FEZ1: variants seen among roughly 807,000 people sequenced by gnomAD.
FEZ1 encodes fasciculation and elongation protein zeta-1.
Under a neutral mutation model 49.3 loss-of-function variants are expected in FEZ1, and 20 were observed. The observed-to-expected ratio is 0.41, with a 90% CI of 0.29 to 0.59. The LOEUF (loss-of-function observed/expected upper bound fraction) is 0.59. FEZ1 is among the 20% of genes least tolerant of loss of function. The pLI, the probability that FEZ1 is intolerant of heterozygous loss-of-function variation, is 0.36. For missense variants in FEZ1, 413 were observed against 476.0 expected (o/e 0.87, Z 1.23); for synonymous variants, 170 against 180.9 (o/e 0.94, Z 0.48).
At chr11:125,492,909 A>G (rs1333105766) in intron 1 of FEZ1, among the ~76,000 whole-genome samples, 2 of 150,954 alleles carry the variant, frequency 1.3e-5, no homozygotes, top group Non-Finnish European at 3.0e-5. Context: ...TTGAGGCTAT[A>G]GTGAGCTATG....
chr11:125,479,479 G>C (rs1003150460), intron 3 of FEZ1, among the ~76,000 whole-genome samples: 13 of 152,186 alleles, frequency 8.5e-5, no homozygotes, highest in Non-Finnish European at 1.6e-4. Context: ...AAGTGAGGCA[G>C]AAATTTGCTT....
At chr11:125,493,515 A>AAAGC (rs1957423648) in intron 1 of FEZ1, among the ~76,000 whole-genome samples, 1 of 149,214 alleles carries the variant, frequency 6.7e-6, no homozygotes, top group African/African-American at 2.5e-5. Context: ...AGAGAGAAAG[A>AAAGC]AAGAAAGAAA....
rs1232187870 is a variant in FEZ1, at chr11:125,443,976, C to T, written c.*2119G>A. On this transcript the variant is annotated 3_prime_UTR_variant, in exon 10 of 10. Coordinates refer to ENST00000278919, the MANE Select transcript of FEZ1 (RefSeq NM_005103.5). Reference sequence around the variant, plus strand: ...GCAGGAAGAAAAGCTCTCAGGAATTCACTGCTTCCCCTTTGCTGAGGCTGG... The same window carrying T: ...GCAGGAAGAAAAGCTCTCAGGAATTTACTGCTTCCCCTTTGCTGAGGCTGG... 6.6e-6 allele frequency among the ~76,000 whole-genome samples: 1 copy of T among 152,208 alleles called. No homozygotes were observed.
chr11:125,489,401 A>C lies in FEZ1; in HGVS notation c.311+66T>G. 6.5e-7 allele frequency: 1 copy of C among 1,532,078 alleles called. No homozygotes were observed. The highest frequency in any genetic ancestry group is 1.3e-5 in the South Asian group (1 of 75,790). The allele number at this position is 1,532,078 out of a possible 1,614,324, so 94.9% of individuals were successfully genotyped here. A position where few individuals can be genotyped will look rare whatever the true frequency, so the allele number is the denominator to read the frequency against. ...AAACCTATAGACAGAAACCAGCACT[A>C]TGTCAAGGAGACAAGGACTACAGGG... On this transcript the variant is annotated intron_variant, in intron 2 of 9. Coordinates refer to ENST00000278919, the MANE Select transcript of FEZ1 (RefSeq NM_005103.5). The surrounding 1 kb of genome is among the most constrained non-coding windows in gnomAD (Gnocchi z 4.2).
intron 3 of FEZ1, among the ~76,000 whole-genome samples, chr11:125,472,361 G>C (rs1038884386): frequency 6.6e-6 from 1 of 152,018 alleles, no homozygotes; most frequent in Non-Finnish European, 1.5e-5. Flanking sequence ...CAGCTGACAA[G>C]AGAGAGTGAG....
At chr11:125,453,955 C>T in intron 7 of FEZ1, 175 bp downstream of exon 7, 1 of 415,668 alleles carries the variant, frequency 2.4e-6, no homozygotes, top group African/African-American at 2.1e-5. Flanking sequence ...AAAAAGTTTG[C>T]CTTTTAAAAA....
intron 2 of FEZ1, among the ~76,000 whole-genome samples, chr11:125,484,118 G>A (rs924398532): frequency 1.3e-5 from 2 of 152,036 alleles, no homozygotes; most frequent in Admixed American, 6.6e-5. Flanking sequence ...TTTATAATCA[G>A]TTGTATACCC....
chr11:125,484,914 G>A (rs1053078238), intron 2 of FEZ1, among the ~76,000 whole-genome samples: 1 of 152,098 alleles, frequency 6.6e-6, no homozygotes, highest in Admixed American at 6.6e-5. Flanking sequence ...AGGGCAGGGG[G>A]AAACAGCTTT....
In FEZ1 at chr11:125,445,798, G is replaced by A; in HGVS notation, c.*297C>T. 1 of 444,862 alleles carries A rather than the reference G, an allele frequency of 2.2e-6. No homozygotes were observed. Among genetic ancestry groups the A allele is most frequent in the Non-Finnish European group, 4.2e-6 (1 of 236,338 alleles). 27.6% of individuals were successfully genotyped at this position (444,862 alleles called of 1,614,324 possible). ...TTCAAAATTAGTCTTAAGAGTATAA[G>A]CTGTTTTTGAGGGCTGTAGCCAGAC... On this transcript the variant is annotated 3_prime_UTR_variant, in exon 10 of 10. Transcript: ENST00000278919. This position sits in a 1 kb window ranked among gnomAD's most constrained non-coding sequence, Gnocchi z 4.4.
intron 5 of FEZ1, among the ~76,000 whole-genome samples, chr11:125,457,472 GTATATATACACA>G (rs1565533604): frequency 8.1e-5 from 7 of 85,928 alleles, no homozygotes; most frequent in African/African-American, 3.0e-4. Context: ...ACATATATAT[GTATATATACACA>G]TATATGTGTA....
intron 1 of FEZ1, among the ~76,000 whole-genome samples, chr11:125,490,712 A>T (rs11220089): frequency 0.099 from 15,008 of 151,928 alleles, 1,029 homozygotes; most frequent in African/African-American, 0.18. Flanking sequence ...TATTTTTTTA[A>T]AAAAACTAAT....
chr11:125,451,834 C>T (rs1470419024), intron 8 of FEZ1, among the ~76,000 whole-genome samples: 2 of 152,240 alleles, frequency 1.3e-5, no homozygotes, highest in Non-Finnish European at 2.9e-5. Flanking sequence ...GAGGCAGTCA[C>T]TTCCTGGAAG....
chr11:125,493,044 G>C (rs1001464238), intron 1 of FEZ1, among the ~76,000 whole-genome samples: 3 of 151,380 alleles, frequency 2.0e-5, no homozygotes, highest in Non-Finnish European at 4.4e-5. Flanking sequence ...TGTGATGTGG[G>C]GGCTGGGCAC....
intron 2 of FEZ1, among the ~76,000 whole-genome samples, chr11:125,482,094 T>A (rs985073339): frequency 6.6e-6 from 1 of 152,172 alleles, no homozygotes; most frequent in Non-Finnish European, 1.5e-5. Flanking sequence ...GCAGTTTTTC[T>A]GGCTGAATCT....
In FEZ1 at chr11:125,446,125, A is replaced by C; in HGVS notation, c.1163-14T>G. On this transcript the variant is annotated splice_polypyrimidine_tract_variant and intron_variant, in intron 9 of 9. Transcript: ENST00000278919. ...TAGGGCAGAGCACTGCAACGAGAAGAGAGGAGGGGAGAGCGGTCAGAACAC... is the reference window on the plus strand; with the variant it reads ...TAGGGCAGAGCACTGCAACGAGAAGCGAGGAGGGGAGAGCGGTCAGAACAC... The C allele has an allele frequency of 6.2e-7, 1 of 1,613,854 alleles. No individual in the cohort carries two copies.
intron 6 of FEZ1, 126 bp from the exon 7 acceptor site, chr11:125,454,336 T>G: frequency 3.3e-6 from 2 of 611,250 alleles, no homozygotes. Flanking sequence ...ACAGTAAGTG[T>G]AAGACACTGG....
At chr11:125,457,502 A>ATATATATACACATATATGTG (rs764150825) in intron 5 of FEZ1, among the ~76,000 whole-genome samples, 5 of 109,794 alleles carry the variant, frequency 4.6e-5, no homozygotes, top group Admixed American at 9.8e-5. Flanking sequence ...GTATATATGT[A>ATATATATACACATATATGTG]TATATATACA....
intron 3 of FEZ1, among the ~76,000 whole-genome samples, chr11:125,475,805 T>C (rs745498339): frequency 9.2e-5 from 14 of 152,130 alleles, no homozygotes; most frequent in Non-Finnish European, 1.9e-4. Flanking sequence ...TAGGTTTTTA[T>C]CTAAGAGAAA....
intron 5 of FEZ1, among the ~76,000 whole-genome samples, chr11:125,457,450 ATG>A (rs1249099965): frequency 0.16 from 12,352 of 77,498 alleles, 1,247 homozygotes; most frequent in Non-Finnish European, 0.2. Flanking sequence ...ATATATATAT[ATG>A]TATATATACA....
Sources: gnomAD v4.1 joint callset for allele counts (sites outside exome capture counted in the v4.1 genomes callset) on GRCh38, gnomAD v4.1.1 for gene constraint, Gnocchi (gnomAD v3.1) non-coding constraint, MANE v1.5 for transcripts, NCBI Gene and HGNC (gene_info 2026-07-23, HGNC 2026-07-21) for gene names.